VTI1A: variants seen among roughly 807,000 people sequenced by gnomAD.
VTI1A encodes vesicle transport through interaction with t-SNAREs 1A.
Under a neutral mutation model 34.9 loss-of-function variants are expected in VTI1A, and 22 were observed. That is an observed-to-expected ratio of 0.63 (90% CI 0.45 to 0.90). The LOEUF (loss-of-function observed/expected upper bound fraction) is 0.90, where lower values mean the gene tolerates loss of function less well. VTI1A is among the 40% of genes least tolerant of loss of function. The pLI is 0.00. For synonymous variants in VTI1A, 87 were observed against 97.3 expected (o/e 0.89, Z 0.62); for missense variants, 268 against 275.6 (o/e 0.97, Z 0.20).
intron 7 of VTI1A, among the ~76,000 whole-genome samples, chr10:112,756,750 T>G (rs1288707518): frequency 6.6e-6 from 1 of 152,090 alleles, no homozygotes; most frequent in Non-Finnish European, 1.5e-5. Context: ...CCTGCTTTCT[T>G]TAAGATGTAT....
chr10:112,649,357 G>A (rs193049514), intron 5 of VTI1A, among the ~76,000 whole-genome samples: 1 of 152,310 alleles, frequency 6.6e-6, no homozygotes, highest in Non-Finnish European at 1.5e-5. Flanking sequence ...TTCTCAAGGT[G>A]TATCAGTCTT....
intron 7 of VTI1A, among the ~76,000 whole-genome samples, chr10:112,705,407 T>A (rs1418366125): frequency 1.3e-5 from 2 of 152,140 alleles, no homozygotes; most frequent in African/African-American, 4.8e-5. Flanking sequence ...ACTGCCTCAC[T>A]GTTATCCCAC....
intron 6 of VTI1A, among the ~76,000 whole-genome samples, chr10:112,668,644 T>A (rs142511202): frequency 3.1e-4 from 47 of 152,272 alleles, no homozygotes; most frequent in African/African-American, 1.1e-3. Context: ...ACTTTGCACA[T>A]TCATAAGCTG....
At chr10:112,758,956 A>G (rs565960238) in intron 7 of VTI1A, among the ~76,000 whole-genome samples, 1 of 152,330 alleles carries the variant, frequency 6.6e-6, no homozygotes, top group East Asian at 1.9e-4. Flanking sequence ...TTAAAGAGAA[A>G]CGATATGAGC....
chr10:112,745,868 C>A (rs556688141), intron 7 of VTI1A, among the ~76,000 whole-genome samples: 5 of 152,200 alleles, frequency 3.3e-5, no homozygotes, highest in Admixed American at 1.3e-4. Context: ...ACATGTGAAT[C>A]TCCTAGCAGA....
intron 7 of VTI1A, among the ~76,000 whole-genome samples, chr10:112,810,686 G>C (rs775951352): frequency 3.0e-4 from 46 of 152,202 alleles, no homozygotes; most frequent in Admixed American, 1.0e-3. Context: ...GACCATCTCA[G>C]CCTCAGTCAC....
At chr10:112,632,408 G>T (rs920025042) in intron 5 of VTI1A, among the ~76,000 whole-genome samples, 4 of 152,182 alleles carry the variant, frequency 2.6e-5, no homozygotes, top group African/African-American at 7.2e-5. Flanking sequence ...ACCATTGAAG[G>T]ATAGACAGGA....
intron 7 of VTI1A, among the ~76,000 whole-genome samples, chr10:112,795,590 G>A (rs754403471): frequency 2.0e-5 from 3 of 151,714 alleles, no homozygotes; most frequent in African/African-American, 4.8e-5. Flanking sequence ...ATGTGCCAGC[G>A]CACCCAGCTA....
At chr10:112,832,809 G>C in the VTI1A span, among the ~76,000 whole-genome samples, 3 of 152,180 alleles carry the variant, frequency 2.0e-5, no homozygotes, top group Non-Finnish European at 4.4e-5. Flanking sequence ...GCTCCTCTGT[G>C]GGCCTGCCAA....
At position 112,520,628 on chromosome 10, in the gene VTI1A, T is replaced by A. The variant is rs1270526871; in HGVS notation, c.265-6459T>A. ...GGGTTTTTTAGTCTCTATATGTGTG[T>A]GTGTGTGTGTGTGTGTGTGTATATA... is the stretch of plus-strand genomic sequence containing the variant. On this transcript the variant is annotated intron_variant, in intron 3 of 7. Transcript: ENST00000393077. Among the ~76,000 whole-genome samples the A allele has an allele frequency of 2.6e-5, 3 of 114,130 alleles. No homozygotes were observed. The East Asian group carries it at 9.1e-4, about 35-fold the overall frequency. 74.9% of individuals were successfully genotyped at this position (114,130 alleles called of 152,430 possible).
rs1457182160 is a variant in VTI1A at position 112,767,315 on chromosome 10, T to G, written c.561-47975T>G. ...AAAGTCATGAACTAGTAAGTGGAGA[T>G]CCTGGAATTTGAATCCAGCTGGTCT... On this transcript the variant is annotated intron_variant, in intron 7 of 7. Coordinates refer to ENST00000393077, the MANE Select transcript of VTI1A (RefSeq NM_145206.4). This position sits in a 1 kb window ranked among gnomAD's most constrained non-coding sequence, Gnocchi z 4.0. 6.6e-6 allele frequency among the ~76,000 whole-genome samples: 1 copy of G among 152,200 alleles called. No individual in the cohort carries two copies. Among genetic ancestry groups the G allele is most frequent in the Non-Finnish European group, 1.5e-5 (1 of 68,030 alleles).
At chr10:112,628,627 A>G (rs1020596420) in intron 5 of VTI1A, among the ~76,000 whole-genome samples, 16 of 152,182 alleles carry the variant, frequency 1.1e-4, no homozygotes, top group African/African-American at 3.6e-4. Context: ...GATTGCATCC[A>G]GTTTGAGTTT....
intron 4 of VTI1A, among the ~76,000 whole-genome samples, chr10:112,528,206 T>C (rs1205311341): frequency 6.6e-6 from 1 of 152,116 alleles, no homozygotes. Flanking sequence ...ATTATAAAAA[T>C]TGCATAATTG....
chr10:112,480,931 T>A (rs1305498990), intron 3 of VTI1A, among the ~76,000 whole-genome samples: 1 of 152,158 alleles, frequency 6.6e-6, no homozygotes, highest in Non-Finnish European at 1.5e-5. Context: ...CAGCAGAGTT[T>A]AGGAAATACT....
At chr10:112,491,050 T>A (rs973609517) in intron 3 of VTI1A, among the ~76,000 whole-genome samples, 6 of 152,070 alleles carry the variant, frequency 3.9e-5, no homozygotes, top group African/African-American at 1.4e-4. Flanking sequence ...AAGTGGAATG[T>A]GAGATCTGAT....
intron 3 of VTI1A, among the ~76,000 whole-genome samples, chr10:112,492,844 T>C (rs527686451): frequency 6.6e-6 from 1 of 152,054 alleles, no homozygotes; most frequent in Admixed American, 6.6e-5. Context: ...CCATTATAAA[T>C]ATACAATTCA....
At chr10:112,511,616 T>G (rs1393333758) in intron 3 of VTI1A, among the ~76,000 whole-genome samples, 1 of 152,154 alleles carries the variant, frequency 6.6e-6, no homozygotes, top group Admixed American at 6.5e-5. Context: ...CCACCCAAGT[T>G]AAGTATATTC....
At chr10:112,627,366 G>C (rs924414410) in intron 5 of VTI1A, among the ~76,000 whole-genome samples, 1 of 152,110 alleles carries the variant, frequency 6.6e-6, no homozygotes, top group Non-Finnish European at 1.5e-5. Flanking sequence ...TTTTAAAGTA[G>C]TTATATAGGT....
intron 7 of VTI1A, among the ~76,000 whole-genome samples, chr10:112,706,202 C>T (rs1849192193): frequency 6.6e-6 from 1 of 152,140 alleles, no homozygotes; most frequent in Admixed American, 6.5e-5. Context: ...GTGAAGTTGC[C>T]ACCTCCTGAG....
Sources: allele counts gnomAD v4.1 joint callset (sites outside exome capture counted in the v4.1 genomes callset), GRCh38; gene constraint gnomAD v4.1.1; non-coding constraint Gnocchi (gnomAD v3.1); transcripts MANE v1.5; gene names NCBI Gene and HGNC (gene_info 2026-07-23, HGNC 2026-07-21).